Variants in RALGAPA1 observed in about 807,000 individuals in gnomAD.
RALGAPA1 encodes ral GTPase-activating protein subunit alpha-1.
Under a neutral mutation model 269.6 loss-of-function variants are expected in RALGAPA1, and 52 were observed. The observed-to-expected ratio is 0.19, with a 90% CI of 0.15 to 0.24. The LOEUF is 0.24. Among genes scored for constraint, RALGAPA1 ranks in the 10% least tolerant of loss-of-function variants. The probability of loss-of-function intolerance (pLI) is 1.00; values close to 1 mark genes in which losing one functional copy is unlikely to be tolerated. For synonymous variants in RALGAPA1, 817 were observed against 1,008.3 expected (o/e 0.81, Z 3.60); for missense variants, 1,917 against 3,013.9 (o/e 0.64, Z 8.52).
chr14:35,714,745 G>A (rs1409495925), intron 16 of RALGAPA1, among the ~76,000 whole-genome samples: 1 of 151,994 alleles, frequency 6.6e-6, no homozygotes, highest in Non-Finnish European at 1.5e-5. Flanking sequence ...TAATTCTGGG[G>A]TAATTTTTTT....
At chr14:35,574,437 A>T (rs1302195012) in intron 37 of RALGAPA1, among the ~76,000 whole-genome samples, 3 of 152,216 alleles carry the variant, frequency 2.0e-5, no homozygotes, top group Non-Finnish European at 4.4e-5. Context: ...AGCTGTTGTA[A>T]TGAAGATTTC....
In RALGAPA1 at chr14:35,686,566, T is replaced by C; in HGVS notation, c.4053A>G (p.Glu1351=). The C allele has an allele frequency of 6.2e-7, 1 of 1,605,316 alleles. No homozygotes were observed. Residue 1351 remains glutamate (E), a synonymous_variant, in exon 19 of 42, where the codon GAA becomes GAG. Coordinates refer to ENST00000680220, the MANE Select transcript of RALGAPA1 (RefSeq NM_001346249.2). The stretch of plus-strand genomic sequence containing the variant: ...CCGAGGCATTACCACTTCGAAGTCG[T>C]TCTGCTATAAACTCATCCATCAGAT... The part of the protein sequence containing the change: ...VPDLMDEFIA[E]RLRSGNASTM...
intron 21 of RALGAPA1, chr14:35,683,489 C>G (rs1391761688): frequency 5.7e-6 from 1 of 174,200 alleles, no homozygotes; most frequent in Non-Finnish European, 1.2e-5. Flanking sequence ...CTCCAACTAT[C>G]TCATGTACTC....
At position 35,664,760 on chromosome 14, in the gene RALGAPA1, C is replaced by T. The variant is rs1168902758; in HGVS notation, c.5210G>A (p.Arg1737Lys). 2 of 1,608,902 alleles carry T rather than the reference C, an allele frequency of 1.2e-6. No individual in the cohort carries two copies. The highest frequency in any genetic ancestry group is 2.2e-5 in the South Asian group (2 of 89,636). The change falls in exon 27 of 42, where the codon AGA becomes AAA. Residue 1737 changes from arginine to lysine, a missense_variant. Coordinates refer to ENST00000680220, the MANE Select transcript of RALGAPA1 (RefSeq NM_001346249.2). ...VASSAFLNAP[R>K]VEAQVLLGSL... The stretch of plus-strand genomic sequence containing the variant: ...TCCCAGAAGAACTTGTGCTTCTACT[C>T]TTGGTGCCTATGTATCACATTTTTA...
chr14:35,634,520 T>G (rs2061549607), intron 33 of RALGAPA1, 54 bp downstream of exon 33: 1 of 1,454,596 alleles, frequency 6.9e-7, no homozygotes, highest in Admixed American at 2.1e-5. Context: ...GGCCTCAAGT[T>G]ATACCTTGAG....
intron 31 of RALGAPA1, among the ~76,000 whole-genome samples, chr14:35,639,349 C>T (rs1165703436): frequency 6.6e-6 from 1 of 152,166 alleles, no homozygotes; most frequent in South Asian, 2.1e-4. Flanking sequence ...TTAAACACCA[C>T]ACTTTCAGCA....
chr14:35,646,498 A>T (rs1311819637), intron 31 of RALGAPA1, among the ~76,000 whole-genome samples: 3 of 152,224 alleles, frequency 2.0e-5, no homozygotes, highest in Non-Finnish European at 4.4e-5. Context: ...CCTAATCATG[A>T]TGAAACACAA....
At chr14:35,559,334 C>G (rs918144592) in intron 39 of RALGAPA1, among the ~76,000 whole-genome samples, 10 of 152,112 alleles carry the variant, frequency 6.6e-5, no homozygotes, top group Non-Finnish European at 1.0e-4. Flanking sequence ...ATCCTTTCTT[C>G]TTTGCTCTTT....
intron 1 of RALGAPA1, among the ~76,000 whole-genome samples, chr14:35,792,758 A>G (rs1286556228): frequency 2.0e-5 from 3 of 148,192 alleles, no homozygotes; most frequent in Non-Finnish European, 4.5e-5. Flanking sequence ...AGCCTGGGCG[A>G]CAGAGTGAGA....
intron 24 of RALGAPA1, among the ~76,000 whole-genome samples, chr14:35,673,307 G>C (rs890482755): frequency 1.3e-5 from 2 of 152,202 alleles, no homozygotes; most frequent in Admixed American, 1.3e-4. Context: ...TGTAATCCCA[G>C]CACTTTGGAA....
At chr14:35,668,818 C>T (rs2064165950) in intron 26 of RALGAPA1, among the ~76,000 whole-genome samples, 1 of 151,840 alleles carries the variant, frequency 6.6e-6, no homozygotes. Context: ...AAAAACAAAA[C>T]AAAACAAAAC....
intron 21 of RALGAPA1, among the ~76,000 whole-genome samples, chr14:35,682,746 T>C (rs1261322892): frequency 3.9e-5 from 6 of 152,216 alleles, no homozygotes; most frequent in Non-Finnish European, 7.3e-5. Flanking sequence ...GTATTCATTA[T>C]AAAATAAGAA....
At chr14:35,542,260 A>G (rs2054077882) in intron 41 of RALGAPA1, 1 of 306,222 alleles carries the variant, frequency 3.3e-6, no homozygotes, top group Admixed American at 4.9e-5. Context: ...TCAGTACACT[A>G]GCCACATTTC....
intron 12 of RALGAPA1, among the ~76,000 whole-genome samples, chr14:35,734,110 G>C (rs921170184): frequency 1.3e-5 from 2 of 152,114 alleles, no homozygotes; most frequent in Non-Finnish European, 2.9e-5. Flanking sequence ...AATCAATATT[G>C]TGAAAATGAC....
chr14:35,755,922 A>G (rs1418608429), intron 7 of RALGAPA1, among the ~76,000 whole-genome samples: 1 of 152,220 alleles, frequency 6.6e-6, no homozygotes, highest in African/African-American at 2.4e-5. Flanking sequence ...TCATCAGTCA[A>G]TCAGGGTATG....
intron 39 of RALGAPA1, among the ~76,000 whole-genome samples, chr14:35,565,539 C>G (rs1321558897): frequency 6.6e-6 from 1 of 152,070 alleles, no homozygotes; most frequent in African/African-American, 2.4e-5. Flanking sequence ...GGAGAGAATT[C>G]TGCCTTCAGA....
intron 35 of RALGAPA1, among the ~76,000 whole-genome samples, chr14:35,617,252 C>A (rs1473232732): frequency 6.6e-6 from 1 of 152,008 alleles, no homozygotes; most frequent in African/African-American, 2.4e-5. Context: ...GAGGCTGAGG[C>A]GGGTGGATCA....
chr14:35,647,794 A>T (rs2062545062), intron 31 of RALGAPA1, among the ~76,000 whole-genome samples: 1 of 151,980 alleles, frequency 6.6e-6, no homozygotes, highest in Non-Finnish European at 1.5e-5. Context: ...CTCCACTAAA[A>T]ATACAAAAAT....
chr14:35,559,242 TATG>T (rs1286695427), intron 39 of RALGAPA1, among the ~76,000 whole-genome samples: 1 of 152,206 alleles, frequency 6.6e-6, no homozygotes, highest in Non-Finnish European at 1.5e-5. Context: ...TCAAAAGGCC[TATG>T]TTTAGTCAAT....
Sources: allele counts gnomAD v4.1 joint callset (sites outside exome capture counted in the v4.1 genomes callset), GRCh38; gene constraint gnomAD v4.1.1; transcripts MANE v1.5; gene names NCBI Gene and HGNC (gene_info 2026-07-23, HGNC 2026-07-21).